The following KRT79 variants were observed in gnomAD, a reference collection of about 807,000 sequenced individuals.
The protein encoded by KRT79 is keratin 79.
A neutral mutation model predicts 49.0 loss-of-function variants in KRT79; 51 were observed. The ratio of observed to expected loss-of-function variants is 1.04; its 90% CI spans 0.83 to 1.31. The LOEUF is 1.31. Among genes scored for constraint, KRT79 ranks in the 40% most tolerant of loss-of-function variants. The pLI is 0.00. For missense variants in KRT79, 728 were observed against 688.0 expected (o/e 1.06, Z -0.65); for synonymous variants, 312 against 286.6 (o/e 1.09, Z -0.90).
At chr12:52,833,258 T>C (rs1940282233) in intron 1 of KRT79, among the ~76,000 whole-genome samples, 1 of 152,132 alleles carries the variant, frequency 6.6e-6, no homozygotes. Context: ...AGCCTACCCC[T>C]AGGACCCCAC....
intron 4 of KRT79, among the ~76,000 whole-genome samples, chr12:52,828,287 A>G (rs1353318929): frequency 1.3e-5 from 2 of 152,252 alleles, no homozygotes; most frequent in African/African-American, 4.8e-5. Flanking sequence ...CAGTACTGTT[A>G]AGGGGATTTT....
intron 4 of KRT79, among the ~76,000 whole-genome samples, 168 bp downstream of exon 4, chr12:52,829,855 C>T (rs1442495747): frequency 6.6e-6 from 1 of 152,172 alleles, no homozygotes; most frequent in African/African-American, 2.4e-5. Context: ...TGTGCCACTA[C>T]ACTCCAGCCT....
chr12:52,825,454 C>A (rs1592316980), intron 4 of KRT79, among the ~76,000 whole-genome samples: 1 of 152,148 alleles, frequency 6.6e-6, no homozygotes, highest in Non-Finnish European at 1.5e-5. Flanking sequence ...TCATTACATG[C>A]CCTTTTCCAG....
chr12:52,826,206 G>A (rs998689850), intron 4 of KRT79, among the ~76,000 whole-genome samples: 5 of 151,866 alleles, frequency 3.3e-5, no homozygotes, highest in African/African-American at 1.2e-4. Context: ...ATGGCATCAA[G>A]AGTGGATGAG....
Position 52,834,206 on chromosome 12 carries a change from T to C in KRT79, c.55A>G (p.Asn19Asp). The change falls in exon 1 of 9, where the codon AAC becomes GAC. Residue 19 changes from asparagine (N) to aspartate (D), a missense_variant. Transcript: ENST00000330553. The stretch of plus-strand genomic sequence containing the variant: ...GACCCACTCCCTCCGCTGGCAGAGT[T>C]GGAGCTGAAGCCCCCTTTTGTGGAG... ...TYSTKGGFSS[N>D]SASGGSGSQA... The C allele has an allele frequency of 6.2e-7, 1 of 1,613,846 alleles. No individual in the cohort carries two copies. Among genetic ancestry groups the C allele is most frequent in the Non-Finnish European group, 8.5e-7 (1 of 1,180,000 alleles).
In KRT79 at chr12:52,834,002, C is replaced by G; in HGVS notation, c.259G>C (p.Gly87Arg). 2 of 1,612,286 alleles carry G rather than the reference C, an allele frequency of 1.2e-6. No individual in the cohort carries two copies. The highest frequency in any genetic ancestry group is 1.7e-6 in the Non-Finnish European group (2 of 1,179,054). The part of the protein sequence containing the change: ...GGALLGRALG[G>R]FGFGSRAFMG... Reference sequence around the variant, plus strand: ...AATGCCCTGCTGCCAAAGCCAAAGCCCCCCAGAGCCCGCCCCAACAAGGCC... The same window carrying G: ...AATGCCCTGCTGCCAAAGCCAAAGCGCCCCAGAGCCCGCCCCAACAAGGCC... The change falls in exon 1 of 9, where the codon GGC becomes CGC. Residue 87 changes from glycine (G) to arginine (R), a missense_variant. Transcript: ENST00000330553.
At chr12:52,822,595 C>A (rs1489185074) in intron 7 of KRT79, among the ~76,000 whole-genome samples, 1 of 152,240 alleles carries the variant, frequency 6.6e-6, no homozygotes, top group East Asian at 1.9e-4. Flanking sequence ...AACTCCCATC[C>A]TCCCCTTTTC....
chr12:52,831,260 G>A, intron 2 of KRT79, 146 bp downstream of exon 2: 2 of 699,388 alleles, frequency 2.9e-6, no homozygotes, highest in Admixed American at 5.1e-5. Flanking sequence ...GGCAGCAGGT[G>A]CTGGACCTGA....
chr12:52,832,073 A>T (rs1391622172), intron 1 of KRT79, among the ~76,000 whole-genome samples: 1 of 152,178 alleles, frequency 6.6e-6, no homozygotes, highest in East Asian at 1.9e-4. Flanking sequence ...GTTCAAGACC[A>T]GCCTAGGCAA....
chr12:52,823,053 C>T lies in KRT79; in HGVS notation c.1330G>A (p.Ala444Thr), dbSNP rs750245235. 4.3e-6 allele frequency: 7 copies of T among 1,614,150 alleles called. No homozygotes were observed. Among genetic ancestry groups the T allele is most frequent in the African/African-American group, 1.3e-5 (1 of 75,038 alleles). Residue 444 changes from alanine to threonine, a missense_variant, in exon 7 of 9, where the codon GCC becomes ACC. Transcript: ENST00000330553. ...NVKLALDVEI[A>T]TYRKLLESEE... ...CTCTCCAGAAGCTTGCGGTAGGTGGCAATCTCCACGTCCAGGGCCAGCTTG... is the reference window on the plus strand; with the variant it reads ...CTCTCCAGAAGCTTGCGGTAGGTGGTAATCTCCACGTCCAGGGCCAGCTTG...
chr12:52,821,582 GGC>G lies in KRT79; in HGVS notation c.*288_*289del. On this transcript the variant is annotated 3_prime_UTR_variant, in exon 9 of 9. Transcript: ENST00000330553. ...ACTCCCAATTTCTCTCTCTCCTAAT[GGC>G]TTGAGAAATTCAGCCTCCTCTCGGT... The G allele has an allele frequency of 2.2e-6, 1 of 449,124 alleles. No homozygotes were observed. 27.8% of individuals were successfully genotyped at this position (449,124 alleles called of 1,614,324 possible). A position where few individuals can be genotyped will look rare whatever the true frequency, so the allele number is the denominator to read the frequency against.
intron 4 of KRT79, among the ~76,000 whole-genome samples, chr12:52,827,774 T>C (rs1403197287): frequency 6.6e-6 from 1 of 152,226 alleles, no homozygotes; most frequent in East Asian, 1.9e-4. Flanking sequence ...CTTTGTCATT[T>C]GCCTCTTTTC....
At chr12:52,830,465 A>G in intron 2 of KRT79, 173 bp from the exon 3 acceptor site, 1 of 597,676 alleles carries the variant, frequency 1.7e-6, no homozygotes, top group Non-Finnish European at 3.0e-6. Flanking sequence ...GCCTTGATTT[A>G]AACATTCTCT....
In KRT79 at chr12:52,821,740, T is replaced by C; in HGVS notation, c.*132A>G. Reference sequence around the variant, plus strand: ...TGAGCGCTTCCCAAGATGCAAATAGTCTGGTATGAAAATACCCTGGGTCTG... The same window carrying C: ...TGAGCGCTTCCCAAGATGCAAATAGCCTGGTATGAAAATACCCTGGGTCTG... On this transcript the variant is annotated 3_prime_UTR_variant, in exon 9 of 9. Coordinates refer to ENST00000330553, the MANE Select transcript of KRT79 (RefSeq NM_175834.3). The C allele has an allele frequency of 1.3e-6, 1 of 750,254 alleles. No individual in the cohort carries two copies. The highest frequency in any genetic ancestry group is 1.7e-5 in the South Asian group (1 of 57,776). 46.5% of individuals were successfully genotyped at this position (750,254 alleles called of 1,614,324 possible).
intron 2 of KRT79, 43 bp downstream of exon 2, chr12:52,831,363 C>A: frequency 6.3e-7 from 1 of 1,580,996 alleles, no homozygotes; most frequent in East Asian, 2.2e-5. Flanking sequence ...TCCCACTGCC[C>A]CTCCTCACTC....
At chr12:52,827,307 G>A (rs1037453835) in intron 4 of KRT79, among the ~76,000 whole-genome samples, 2 of 152,240 alleles carry the variant, frequency 1.3e-5, no homozygotes, top group African/African-American at 4.8e-5. Context: ...CACAAGAGCT[G>A]AGACTTTGTC....
rs1389653445 is a variant in KRT79 at position 52,821,954 on chromosome 12, G to A, written c.1526C>T (p.Thr509Ile). 3 of 1,614,022 alleles carry A rather than the reference G, an allele frequency of 1.9e-6. No homozygotes were observed. The highest frequency in any genetic ancestry group is 3.3e-5 in the Admixed American group (2 of 60,002). The change falls in exon 9 of 9, where the codon ACC (threonine) becomes ATC (isoleucine). Residue 509 changes from threonine to isoleucine, a missense_variant. By Grantham distance (89) the Thr-to-Ile change is moderately conservative. Coordinates refer to ENST00000330553, the MANE Select transcript of KRT79 (RefSeq NM_175834.3). ...CGCAGAGACTGGCCCTCCCTTGACG[G>A]TGCTATAGCCCACATTTGTGCTGAA... ...GGFSTNVGYS[T>I]VKGGPVSAGT...
chr12:52,824,456 G>C (rs1463590195), intron 4 of KRT79, 94 bp from the exon 5 acceptor site: 12 of 1,308,696 alleles, frequency 9.2e-6, no homozygotes, highest in East Asian at 7.3e-5. Context: ...GTAGCATCAG[G>C]AGGCCTGTGC....
chr12:52,826,436 C>T lies in KRT79; in HGVS notation c.856-2074G>A, dbSNP rs1359092638. Among the ~76,000 whole-genome samples the T allele has an allele frequency of 3.3e-5, 5 of 151,476 alleles. No homozygotes were observed. The South Asian group carries it at 1.1e-3, about 32-fold the overall frequency. On this transcript the variant is annotated intron_variant, in intron 4 of 8. Coordinates refer to ENST00000330553, the MANE Select transcript of KRT79 (RefSeq NM_175834.3). The stretch of plus-strand genomic sequence containing the variant: ...GCTGAGGTGGGAGGATCGCTTGAGC[C>T]CAGGAGGTCGAGACTGTAGTGAGCT...
Sources: allele counts gnomAD v4.1 joint callset (sites outside exome capture counted in the v4.1 genomes callset), GRCh38; gene constraint gnomAD v4.1.1; transcripts MANE v1.5; gene names NCBI Gene and HGNC (gene_info 2026-07-23, HGNC 2026-07-21).